GPR15LG: variants seen among roughly 807,000 people sequenced by gnomAD.
GPR15LG encodes the protein protein GPR15LG.
the GPR15LG span, chr10:84,184,837 G>C: frequency 1.3e-6 from 2 of 1,595,662 alleles, no homozygotes; most frequent in Non-Finnish European, 1.7e-6. Flanking sequence ...GCAGCCTCCT[G>C]TCTCCCCTTT....
the GPR15LG span, chr10:84,184,719 C>T: frequency 1.2e-6 from 2 of 1,613,808 alleles, no homozygotes; most frequent in Non-Finnish European, 1.7e-6. Flanking sequence ...CAAGCTTGAG[C>T]CAGAGCCCCG....
chr10:84,184,907 T>A, the GPR15LG span: 2 of 1,491,562 alleles, frequency 1.3e-6, no homozygotes. Flanking sequence ...GCAAGGACCC[T>A]GGGAAAGTTC....
At chr10:84,179,322 C>A in the GPR15LG span, among the ~76,000 whole-genome samples, 1 of 152,208 alleles carries the variant, frequency 6.6e-6, no homozygotes, top group Non-Finnish European at 1.5e-5. Flanking sequence ...ACATGTCCTG[C>A]TGTTGCTATG....
the GPR15LG span, chr10:84,184,919 A>G: frequency 4.7e-4 from 696 of 1,483,192 alleles, 3 homozygotes; most frequent in African/African-American, 9.2e-3. Flanking sequence ...GGAAAGTTCC[A>G]GAACTCCACG....
the GPR15LG span, among the ~76,000 whole-genome samples, chr10:84,183,805 C>T: frequency 1.3e-5 from 2 of 152,036 alleles, no homozygotes; most frequent in Admixed American, 1.3e-4. Context: ...GCCACCATGC[C>T]TGGCAAATTT....
At chr10:84,181,005 A>G in the GPR15LG span, among the ~76,000 whole-genome samples, 1 of 152,154 alleles carries the variant, frequency 6.6e-6, no homozygotes, top group Admixed American at 6.5e-5. Flanking sequence ...AGAATCAGGC[A>G]GGGAGGTTGC....
At chr10:84,183,237 T>G in the GPR15LG span, among the ~76,000 whole-genome samples, 1 of 152,192 alleles carries the variant, frequency 6.6e-6, no homozygotes, top group Non-Finnish European at 1.5e-5. Context: ...CTTCTACAAA[T>G]GAGGCACCAA....
the GPR15LG span, among the ~76,000 whole-genome samples, chr10:84,182,363 C>G: frequency 1.3e-5 from 2 of 152,198 alleles, no homozygotes; most frequent in Non-Finnish European, 2.9e-5. Flanking sequence ...TTTAGTGACC[C>G]AAAGCAGTGT....
chr10:84,177,754 G>A, the GPR15LG span, among the ~76,000 whole-genome samples: 1 of 152,172 alleles, frequency 6.6e-6, no homozygotes, highest in African/African-American at 2.4e-5. Flanking sequence ...CAGGATGCAG[G>A]GTGAGCGCAG....
At chr10:84,184,027 A>G in the GPR15LG span, among the ~76,000 whole-genome samples, 1 of 152,024 alleles carries the variant, frequency 6.6e-6, no homozygotes, top group African/African-American at 2.4e-5. Context: ...GCAATTAAAA[A>G]CAAAACTATG....
At chr10:84,183,925 T>G in the GPR15LG span, among the ~76,000 whole-genome samples, 1 of 152,142 alleles carries the variant, frequency 6.6e-6, no homozygotes, top group Non-Finnish European at 1.5e-5. Context: ...GGATTACAGG[T>G]GTGAGCCACT....
chr10:84,181,553 C>T, the GPR15LG span, among the ~76,000 whole-genome samples: 1 of 152,174 alleles, frequency 6.6e-6, no homozygotes, highest in Non-Finnish European at 1.5e-5. Flanking sequence ...TCCCCAGTAG[C>T]TGGGACTACA....
At chr10:84,183,257 G>T in the GPR15LG span, among the ~76,000 whole-genome samples, 116 of 152,290 alleles carry the variant, frequency 7.6e-4, no homozygotes, top group African/African-American at 2.8e-3. Flanking sequence ...AGCACAGAAA[G>T]GTTAAGTAAC....
At chr10:84,180,171 A>G in the GPR15LG span, among the ~76,000 whole-genome samples, 1 of 152,358 alleles carries the variant, frequency 6.6e-6, no homozygotes, top group South Asian at 2.1e-4. Context: ...GACACAGCAC[A>G]TGTTTCAGAG....
chr10:84,177,750 G>A, the GPR15LG span, among the ~76,000 whole-genome samples: 1 of 152,226 alleles, frequency 6.6e-6, no homozygotes, highest in African/African-American at 2.4e-5. Context: ...CAGGCAGGAT[G>A]CAGGGTGAGC....
chr10:84,179,839 G>C, the GPR15LG span, among the ~76,000 whole-genome samples: 1 of 150,768 alleles, frequency 6.6e-6, no homozygotes, highest in Non-Finnish European at 1.5e-5. Flanking sequence ...TGGCTGATTT[G>C]CTGAATTTAT....
the GPR15LG span, chr10:84,174,013 G>A: frequency 1.1e-6 from 1 of 926,174 alleles, no homozygotes; most frequent in Non-Finnish European, 1.8e-6. Flanking sequence ...GGCCTTGGCG[G>A]GCAGGCCTTG....
chr10:84,179,120 G>C, the GPR15LG span, among the ~76,000 whole-genome samples: 1 of 152,204 alleles, frequency 6.6e-6, no homozygotes, highest in Non-Finnish European at 1.5e-5. Flanking sequence ...ATAGCCATCT[G>C]GGCTGGGATC....
chr10:84,178,375 CCAGA>C, the GPR15LG span, among the ~76,000 whole-genome samples: 1 of 150,326 alleles, frequency 6.7e-6, no homozygotes, highest in South Asian at 2.1e-4. Context: ...CACACGTATA[CCAGA>C]CACAGACACA....
Sources: allele counts gnomAD v4.1 joint callset (sites outside exome capture counted in the v4.1 genomes callset), GRCh38; gene constraint gnomAD v4.1.1; transcripts MANE v1.5; gene names NCBI Gene and HGNC (gene_info 2026-07-23, HGNC 2026-07-21).